The following BMP7 variants were observed in gnomAD, a reference collection of about 807,000 sequenced individuals.
The protein encoded by BMP7 is osteogenic protein 1.
A neutral mutation model predicts 41.2 loss-of-function variants in BMP7; 12 were observed. The ratio of observed to expected loss-of-function variants is 0.29; its 90% CI spans 0.19 to 0.47. BMP7 has a LOEUF of 0.47. BMP7 is among the 20% of genes least tolerant of loss of function. The probability of loss-of-function intolerance (pLI) is 0.99; values close to 1 mark genes in which losing one functional copy is unlikely to be tolerated. For missense variants in BMP7, 467 were observed against 606.0 expected (o/e 0.77, Z 2.41); for synonymous variants, 248 against 250.0 (o/e 0.99, Z 0.07).
intron 3 of BMP7, among the ~76,000 whole-genome samples, chr20:57,184,715 A>G (rs1221112948): frequency 6.6e-6 from 1 of 152,166 alleles, no homozygotes; most frequent in Non-Finnish European, 1.5e-5. Flanking sequence ...GATGAGCCTT[A>G]ATCCAGTGAC....
intron 1 of BMP7, among the ~76,000 whole-genome samples, chr20:57,238,652 T>C (rs948045239): frequency 6.6e-6 from 1 of 151,982 alleles, no homozygotes; most frequent in Non-Finnish European, 1.5e-5. Context: ...TGATGGTGAC[T>C]GTATTAGTCT....
intron 4 of BMP7, among the ~76,000 whole-genome samples, chr20:57,178,274 G>T (rs1218592647): frequency 6.6e-6 from 1 of 152,204 alleles, no homozygotes; most frequent in Non-Finnish European, 1.5e-5. Flanking sequence ...TCAGAGGCAG[G>T]CACTGAGCCT....
chr20:57,218,145 T>C (rs1312595376), intron 2 of BMP7, among the ~76,000 whole-genome samples: 4 of 152,274 alleles, frequency 2.6e-5, no homozygotes. Flanking sequence ...TGCTCTGCTG[T>C]TGCTGTCTTG....
chr20:57,232,078 T>G (rs1406904454), intron 1 of BMP7, among the ~76,000 whole-genome samples: 1 of 152,200 alleles, frequency 6.6e-6, no homozygotes, highest in Non-Finnish European at 1.5e-5. Flanking sequence ...GGTGAGCGGC[T>G]GAACTCCAAA....
intron 1 of BMP7, among the ~76,000 whole-genome samples, chr20:57,230,745 C>T (rs906349545): frequency 1.3e-4 from 20 of 150,576 alleles, no homozygotes; most frequent in Non-Finnish European, 2.4e-4. Context: ...GGCGCGATCT[C>T]GGCTTACTAC....
At chr20:57,248,468 G>T (rs1320798412) in intron 1 of BMP7, among the ~76,000 whole-genome samples, 1 of 152,172 alleles carries the variant, frequency 6.6e-6, no homozygotes, top group African/African-American at 2.4e-5. Context: ...AAACCAAGAG[G>T]TAGGCAGGCA....
chr20:57,190,702 C>T (rs1984336258), intron 3 of BMP7, among the ~76,000 whole-genome samples: 1 of 152,136 alleles, frequency 6.6e-6, no homozygotes, highest in Non-Finnish European at 1.5e-5. Flanking sequence ...CTCCAGGCCC[C>T]ACCACGCTCA....
intron 2 of BMP7, among the ~76,000 whole-genome samples, chr20:57,209,265 A>T (rs1304799734): frequency 1.6e-4 from 20 of 125,970 alleles, no homozygotes; most frequent in Admixed American, 5.2e-4. Context: ...ATATATATAT[A>T]TATATATATA....
intron 6 of BMP7, chr20:57,172,997 C>A: frequency 1.6e-6 from 1 of 637,902 alleles, no homozygotes; most frequent in Non-Finnish European, 2.8e-6. Context: ...ACTCCAGGGT[C>A]GAAGATTATA....
intron 2 of BMP7, among the ~76,000 whole-genome samples, chr20:57,227,111 G>A (rs935562592): frequency 7.9e-5 from 12 of 152,138 alleles, no homozygotes; most frequent in Non-Finnish European, 2.9e-5. Flanking sequence ...ACAGGCGTGA[G>A]CTACCACACC....
At chr20:57,243,716 G>C (rs1453655169) in intron 1 of BMP7, 2 of 152,258 alleles carry the variant, frequency 1.3e-5, no homozygotes, top group African/African-American at 2.4e-5. Flanking sequence ...CTTTGCTCCA[G>C]GCCTGCCCGG....
rs1220489447 is a variant in BMP7, at chr20:57,261,055, GATCA to G, written c.418+4646_418+4649del. ...GGAGAGATATTAAAGTGATAGGAGTGATCAATCAACTTAGATGGGACTCTCCCTG... is the reference window on the plus strand; with the variant it reads ...GGAGAGATATTAAAGTGATAGGAGTGATCAACTTAGATGGGACTCTCCCTG... On this transcript the variant is annotated intron_variant, in intron 1 of 6. Coordinates refer to ENST00000395863, the MANE Select transcript of BMP7 (RefSeq NM_001719.3). This position sits in a 1 kb window ranked among gnomAD's most constrained non-coding sequence, Gnocchi z 4.1. Among the ~76,000 whole-genome samples, 1 of 152,198 alleles carries G rather than the reference GATCA, an allele frequency of 6.6e-6. No homozygotes were observed. The highest frequency in any genetic ancestry group is 1.5e-5 in the Non-Finnish European group (1 of 68,036).
At chr20:57,172,980 T>A in intron 6 of BMP7, 1 of 614,760 alleles carries the variant, frequency 1.6e-6, no homozygotes, top group Non-Finnish European at 2.9e-6. Context: ...TTAGGAGAAA[T>A]AAATGAACTC....
chr20:57,184,679 G>A (rs577463321), intron 3 of BMP7, among the ~76,000 whole-genome samples: 1 of 152,150 alleles, frequency 6.6e-6, no homozygotes, highest in Admixed American at 6.5e-5. Context: ...GCTGTCGTCA[G>A]TTAAAATAAG....
In BMP7 at chr20:57,200,596, G is replaced by T. The variant is rs188975637; in HGVS notation, c.760+1879C>A. ...GAACCCACTGGGGCCCAGTTGGAAG[G>T]TTTCCCCAACATCTACAAGTCCACA... On this transcript the variant is annotated intron_variant, in intron 3 of 6. Transcript: ENST00000395863. 9.9e-5 allele frequency among the ~76,000 whole-genome samples: 15 copies of T among 152,264 alleles called. No individual in the cohort carries two copies. In the East Asian group the frequency reaches 2.7e-3, roughly 28 times the overall value.
chr20:57,176,791 C>CACACACACACACACA (rs1555811498), intron 4 of BMP7, among the ~76,000 whole-genome samples: 1 of 149,952 alleles, frequency 6.7e-6, no homozygotes, highest in African/African-American at 2.5e-5. Flanking sequence ...CACACACACA[C>CACACACACACACACA]CTGTTAACTG....
intron 1 of BMP7, among the ~76,000 whole-genome samples, chr20:57,264,078 T>C (rs114050203): frequency 3.9e-5 from 6 of 152,208 alleles, no homozygotes; most frequent in South Asian, 2.1e-4. Flanking sequence ...CTGCTTAGTA[T>C]AATTTAAACT....
intron 2 of BMP7, among the ~76,000 whole-genome samples, chr20:57,216,529 AG>A (rs577288381): frequency 1.0e-4 from 14 of 140,600 alleles, no homozygotes; most frequent in East Asian, 6.3e-4. Context: ...CCTGAGGGCG[AG>A]GGGGCTGTCT....
intron 1 of BMP7, 63 bp downstream of exon 1, chr20:57,265,638 GCTCC>G (rs2066173700): frequency 1.3e-6 from 2 of 1,547,478 alleles, no homozygotes; most frequent in East Asian, 2.4e-5. Flanking sequence ...AGAAGAAGCG[GCTCC>G]CTCCCTCCCA....
Sources: gnomAD v4.1 joint callset for allele counts (sites outside exome capture counted in the v4.1 genomes callset) on GRCh38, gnomAD v4.1.1 for gene constraint, Gnocchi (gnomAD v3.1) non-coding constraint, MANE v1.5 for transcripts, NCBI Gene and HGNC (gene_info 2026-07-23, HGNC 2026-07-21) for gene names.